Variants in APPL1 observed in about 807,000 individuals in gnomAD.
APPL1 encodes adaptor protein, phosphotyrosine interacting with PH domain and leucine zipper 1, also known as DCC-interacting protein 13-alpha.
A neutral mutation model predicts 106.8 loss-of-function variants in APPL1; 42 were observed. The ratio of observed to expected loss-of-function variants is 0.39; its 90% CI spans 0.31 to 0.51. APPL1 has a LOEUF of 0.51. Among genes scored for constraint, APPL1 ranks in the 20% least tolerant of loss-of-function variants. The pLI is 0.75. For missense variants in APPL1, 769 were observed against 858.2 expected, an observed-to-expected ratio of 0.90 and a Z score of 1.30; for synonymous variants, 263 against 281.8, an observed-to-expected ratio of 0.93 and a Z score of 0.67.
At chr3:57,251,802 C>T (rs945631081) in intron 11 of APPL1, among the ~76,000 whole-genome samples, 1 of 151,886 alleles carries the variant, frequency 6.6e-6, no homozygotes, top group East Asian at 1.9e-4. Flanking sequence ...TTCTCAAACT[C>T]TAATATCTAT....
At chr3:57,250,377 T>A (rs1289756912) in intron 11 of APPL1, among the ~76,000 whole-genome samples, 1 of 152,114 alleles carries the variant, frequency 6.6e-6, no homozygotes, top group African/African-American at 2.4e-5. Context: ...TGGACTTAAG[T>A]GATCTTCCTG....
At chr3:57,242,431 T>TTA (rs763636722) in intron 6 of APPL1, among the ~76,000 whole-genome samples, 148 of 151,140 alleles carry the variant, frequency 9.8e-4, no homozygotes, top group East Asian at 5.4e-3. Flanking sequence ...TTAATGAGTG[T>TTA]TATATATATA....
At chr3:57,234,017 A>C (rs949354119) in intron 1 of APPL1, among the ~76,000 whole-genome samples, 1 of 152,126 alleles carries the variant, frequency 6.6e-6, no homozygotes, top group Non-Finnish European at 1.5e-5. Context: ...TCAGGAGGTC[A>C]AGGCTGCAGT....
chr3:57,268,672 T>C, intron 21 of APPL1, 185 bp downstream of exon 21: 4 of 476,098 alleles, frequency 8.4e-6, no homozygotes, highest in Non-Finnish European at 1.3e-5. Flanking sequence ...GTTTACATTA[T>C]AGTTACGTTG....
rs1270399510 is a variant in APPL1 at position 57,271,888 on chromosome 3, G to GTTCCATTACTGTTGAACTATATGAACTA, written c.*2213_*2240dup. 1 of 152,108 alleles carries GTTCCATTACTGTTGAACTATATGAACTA rather than the reference G, an allele frequency of 6.6e-6. No homozygotes were observed. Among genetic ancestry groups the GTTCCATTACTGTTGAACTATATGAACTA allele is most frequent in the Non-Finnish European group, 1.5e-5 (1 of 68,028 alleles). 9.4% of individuals were successfully genotyped at this position (152,108 alleles called of 1,614,324 possible). On this transcript the variant is annotated 3_prime_UTR_variant, in exon 22 of 22. Coordinates refer to ENST00000288266, the MANE Select transcript of APPL1 (RefSeq NM_012096.3). ...AACAATTTTAGATGATTCAGCTTTT[G>GTTCCATTACTGTTGAACTATATGAACTA]TTCCATTACTGTTGAACTATATGAA...
chr3:57,260,194 G>A (rs1228992816), intron 18 of APPL1, 41 bp downstream of exon 18: 3 of 1,565,756 alleles, frequency 1.9e-6, no homozygotes, highest in Admixed American at 3.7e-5. Flanking sequence ...AGGTCCCTTT[G>A]TATATATACA....
chr3:57,259,054 G>A lies in APPL1; in HGVS notation c.1457G>A (p.Gly486Glu), dbSNP rs1228506172. 4 of 1,612,862 alleles carry A rather than the reference G, an allele frequency of 2.5e-6. No individual in the cohort carries two copies. Among genetic ancestry groups the A allele is most frequent in the Admixed American group, 1.7e-5 (1 of 59,834 alleles). ...GRRTNPFGES[G>E]GSTKSETEDS... ...CGTACAAATCCATTTGGAGAATCTGGAGGAAGTACAAAATCTGAAACTGAA... is the reference window on the plus strand; with the variant it reads ...CGTACAAATCCATTTGGAGAATCTGAAGGAAGTACAAAATCTGAAACTGAA... Residue 486 changes from glycine to glutamate, a missense_variant, in exon 16 of 22, where the codon GGA (glycine) becomes GAA (glutamate). Gly to Glu is a moderately conservative substitution (Grantham distance 98). Transcript: ENST00000288266.
At chr3:57,248,899 A>T (rs1046972296) in intron 10 of APPL1, among the ~76,000 whole-genome samples, 2 of 152,180 alleles carry the variant, frequency 1.3e-5, no homozygotes, top group Non-Finnish European at 2.9e-5. Flanking sequence ...AACTAATTTG[A>T]GTTTAAATAA....
At chr3:57,262,370 T>C (rs942416853) in intron 19 of APPL1, among the ~76,000 whole-genome samples, 27 of 146,318 alleles carry the variant, frequency 1.8e-4, no homozygotes, top group Admixed American at 4.1e-4. Flanking sequence ...GTTTTTTTTT[T>C]CTATGGAAAA....
rs2060929417 is a variant in APPL1, at chr3:57,270,507, GC to G, written c.*821del. 3.3e-5 allele frequency: 5 copies of G among 152,738 alleles called. No individual in the cohort carries two copies. In the South Asian group the frequency reaches 1.0e-3, roughly 32 times the overall value. The allele number at this position is 152,738 out of a possible 1,614,324, so 9.5% of individuals were successfully genotyped here. On this transcript the variant is annotated 3_prime_UTR_variant, in exon 22 of 22. Coordinates refer to ENST00000288266, the MANE Select transcript of APPL1 (RefSeq NM_012096.3). ...ATTAGGATTGACAAGTAAAGATACT[GC>G]TATGGAATGATACATTGTATTTTCT... is the stretch of plus-strand genomic sequence containing the variant.
rs570731497 is a variant in APPL1 at position 57,272,128 on chromosome 3, A to G, written c.*2441A>G. On this transcript the variant is annotated 3_prime_UTR_variant, in exon 22 of 22. Transcript: ENST00000288266. ...CACTTAATGGTGTTAGAAATCAACAAAACTCCTTTTTAAAAAGAAAAGATA... is the reference window on the plus strand; with the variant it reads ...CACTTAATGGTGTTAGAAATCAACAGAACTCCTTTTTAAAAAGAAAAGATA... 6.6e-6 allele frequency: 1 copy of G among 152,312 alleles called. No homozygotes were observed. Among genetic ancestry groups the G allele is most frequent in the South Asian group, 2.1e-4 (1 of 4,818 alleles). The allele number at this position is 152,312 out of a possible 1,614,324, so 9.4% of individuals were successfully genotyped here.
chr3:57,231,396 G>A (rs2060686479), intron 1 of APPL1, among the ~76,000 whole-genome samples: 1 of 145,724 alleles, frequency 6.9e-6, no homozygotes, highest in African/African-American at 2.5e-5. Context: ...TTTTCACTAT[G>A]TTGGCCAGGC....
At chr3:57,262,559 T>C (rs1392485532) in intron 19 of APPL1, among the ~76,000 whole-genome samples, 2 of 151,268 alleles carry the variant, frequency 1.3e-5, no homozygotes, top group Admixed American at 1.3e-4. Context: ...GCCCGGCTAA[T>C]TTTTTTAGTA....
At chr3:57,244,068 TA>T (rs2060760120) in intron 7 of APPL1, among the ~76,000 whole-genome samples, 1 of 152,012 alleles carries the variant, frequency 6.6e-6, no homozygotes, top group Non-Finnish European at 1.5e-5. Flanking sequence ...TGTTATTAGT[TA>T]AATACAATAA....
In APPL1 at chr3:57,273,331, G is replaced by A. The variant is rs1347456642; in HGVS notation, c.*3644G>A. The A allele has an allele frequency of 6.6e-6, 1 of 152,556 alleles. No homozygotes were observed. The highest frequency in any genetic ancestry group is 1.9e-4 in the East Asian group (1 of 5,188). 9.5% of individuals were successfully genotyped at this position (152,556 alleles called of 1,614,324 possible). On this transcript the variant is annotated 3_prime_UTR_variant, in exon 22 of 22. Transcript: ENST00000288266. Reference sequence around the variant, plus strand: ...TCGACTTTATGTGATCATGGTATTGGTATACATGTGGGGTGGAGAACTTAT... The same window carrying A: ...TCGACTTTATGTGATCATGGTATTGATATACATGTGGGGTGGAGAACTTAT...
At chr3:57,253,038 A>C (rs2060813584) in intron 12 of APPL1, among the ~76,000 whole-genome samples, 1 of 152,248 alleles carries the variant, frequency 6.6e-6, no homozygotes, top group African/African-American at 2.4e-5. Flanking sequence ...TGAGGAACAC[A>C]GACAAATGTC....
At chr3:57,242,237 A>C in intron 6 of APPL1, 95 bp downstream of exon 6, 2 of 955,872 alleles carry the variant, frequency 2.1e-6, no homozygotes, top group Non-Finnish European at 3.1e-6. Flanking sequence ...ATTGAAAAAA[A>C]ACCAATTAAA....
chr3:57,245,789 C>T (rs748553717), intron 7 of APPL1, among the ~76,000 whole-genome samples: 34 of 152,126 alleles, frequency 2.2e-4, no homozygotes, highest in Non-Finnish European at 4.1e-4. Flanking sequence ...AAGTGATCGT[C>T]CCGCCTCGGC....
chr3:57,239,472 T>C (rs1336582799), intron 4 of APPL1, among the ~76,000 whole-genome samples: 1 of 152,262 alleles, frequency 6.6e-6, no homozygotes, highest in Non-Finnish European at 1.5e-5. Flanking sequence ...TCATTCCTTT[T>C]TTGGCTAAAT....
Sources: gnomAD v4.1 joint callset for allele counts (sites outside exome capture counted in the v4.1 genomes callset) on GRCh38, gnomAD v4.1.1 for gene constraint, MANE v1.5 for transcripts, NCBI Gene and HGNC (gene_info 2026-07-23, HGNC 2026-07-21) for gene names.